Variants in TBCEL observed in about 807,000 individuals in gnomAD.
TBCEL encodes the protein tubulin folding cofactor E like, also known as tubulin-specific chaperone cofactor E-like protein.
TBCEL carries 15 observed loss-of-function variants against 44.2 expected under a neutral mutation model. That is an observed-to-expected ratio of 0.34 (90% CI 0.23 to 0.52). The LOEUF is 0.52. Among genes scored for constraint, TBCEL ranks in the 20% least tolerant of loss-of-function variants. The pLI, the probability that TBCEL is intolerant of heterozygous loss-of-function variation, is 0.95. For missense variants in TBCEL, 319 were observed against 506.3 expected (o/e 0.63, Z 3.55); for synonymous variants, 171 against 185.4 (o/e 0.92, Z 0.63).
chr11:121,085,760 C>G (rs1946205575), intron 8 of TBCEL, among the ~76,000 whole-genome samples: 1 of 152,090 alleles, frequency 6.6e-6, no homozygotes, highest in Non-Finnish European at 1.5e-5. Flanking sequence ...TCCCCTTGGG[C>G]TTCCCAAGGT....
At chr11:121,027,976 G>T (rs903170875) in intron 1 of TBCEL, among the ~76,000 whole-genome samples, 2 of 152,130 alleles carry the variant, frequency 1.3e-5, no homozygotes, top group Admixed American at 1.3e-4. Context: ...GGAGGCCGAG[G>T]TAGGAGGATC....
intron 2 of TBCEL, among the ~76,000 whole-genome samples, chr11:121,042,191 C>T (rs922937031): frequency 2.0e-5 from 3 of 152,086 alleles, no homozygotes; most frequent in Non-Finnish European, 4.4e-5. Flanking sequence ...TGACAGTTCA[C>T]CCTCTCCACA....
At chr11:121,031,643 A>G (rs1045542635) in intron 1 of TBCEL, among the ~76,000 whole-genome samples, 1 of 150,286 alleles carries the variant, frequency 6.7e-6, no homozygotes, top group African/African-American at 2.4e-5. Context: ...TGATGATTGA[A>G]AGTATTTCTT....
At chr11:121,050,237 C>G (rs1409631363) in intron 4 of TBCEL, among the ~76,000 whole-genome samples, 1 of 151,612 alleles carries the variant, frequency 6.6e-6, no homozygotes, top group African/African-American at 2.4e-5. Context: ...CATTTCAACC[C>G]CATTATAACC....
intron 2 of TBCEL, among the ~76,000 whole-genome samples, chr11:121,038,132 G>C (rs1417080235): frequency 6.6e-6 from 1 of 151,872 alleles, no homozygotes; most frequent in Non-Finnish European, 1.5e-5. Context: ...GCTAATTTTT[G>C]TAGTTTTAGT....
Position 121,026,815 on chromosome 11 carries a change from T to C in TBCEL, c.-126+2524T>C, listed in dbSNP as rs576675947. On this transcript the variant is annotated intron_variant, in intron 1 of 8. Coordinates refer to ENST00000683345, the MANE Select transcript of TBCEL (RefSeq NM_001363644.2). The stretch of plus-strand genomic sequence containing the variant: ...TTTGTTTTGTAGGTGCCTGGAACAT[T>C]AAGGAAGATTCTTATTTATTTCATT... 7.2e-5 allele frequency among the ~76,000 whole-genome samples: 11 copies of C among 152,330 alleles called. No homozygotes were observed. In the South Asian group the frequency reaches 2.1e-3, roughly 29 times the overall value.
chr11:121,024,487 C>A (rs1184792329), intron 1 of TBCEL, among the ~76,000 whole-genome samples, 196 bp downstream of exon 1: 4 of 150,608 alleles, frequency 2.7e-5, no homozygotes, highest in Admixed American at 6.6e-5. Context: ...GAGGATGGGG[C>A]CTGCCTGGCC....
intron 1 of TBCEL, chr11:121,036,079 A>G (rs974596373): frequency 6.6e-6 from 1 of 152,224 alleles, no homozygotes; most frequent in African/African-American, 2.4e-5. Context: ...TAAGGCCACA[A>G]AAACCCAAGC....
intron 1 of TBCEL, among the ~76,000 whole-genome samples, chr11:121,024,662 A>T (rs1381943423): frequency 6.6e-6 from 1 of 152,144 alleles, no homozygotes; most frequent in Non-Finnish European, 1.5e-5. Flanking sequence ...GATGCCTCCC[A>T]GCTGTTAGAA....
intron 8 of TBCEL, among the ~76,000 whole-genome samples, chr11:121,082,969 G>C (rs1014489893): frequency 6.6e-6 from 1 of 152,288 alleles, no homozygotes; most frequent in Admixed American, 6.5e-5. Context: ...TAGTCATTTG[G>C]AAGCCTCTAC....
intron 8 of TBCEL, among the ~76,000 whole-genome samples, chr11:121,064,359 G>C (rs1945779510): frequency 6.6e-6 from 1 of 152,174 alleles, no homozygotes. Flanking sequence ...GTTTTTAGTG[G>C]TGGCAATGTC....
At chr11:121,053,898 G>A (rs1328632309) in intron 5 of TBCEL, among the ~76,000 whole-genome samples, 166 bp downstream of exon 5, 2 of 151,762 alleles carry the variant, frequency 1.3e-5, no homozygotes, top group African/African-American at 2.4e-5. Context: ...TAATCTAGTA[G>A]CATTTCCAGT....
chr11:121,078,244 G>T (rs1565506609), intron 8 of TBCEL, among the ~76,000 whole-genome samples: 1 of 151,948 alleles, frequency 6.6e-6, no homozygotes. Flanking sequence ...TTGTGAATTT[G>T]TTTATTTTTA....
At chr11:121,040,664 A>C (rs1274236158) in intron 2 of TBCEL, among the ~76,000 whole-genome samples, 1 of 152,130 alleles carries the variant, frequency 6.6e-6, no homozygotes, top group Non-Finnish European at 1.5e-5. Context: ...TATATTCTGC[A>C]TACACAAATT....
At chr11:121,076,272 G>A (rs1408227960) in intron 8 of TBCEL, among the ~76,000 whole-genome samples, 1 of 151,912 alleles carries the variant, frequency 6.6e-6, no homozygotes, top group Non-Finnish European at 1.5e-5. Context: ...AATTTGTCCA[G>A]AATTTACATC....
At chr11:121,068,784 G>A (rs1945870037) in intron 8 of TBCEL, among the ~76,000 whole-genome samples, 1 of 151,888 alleles carries the variant, frequency 6.6e-6, no homozygotes. Context: ...CTACTCTGGA[G>A]GCTGAGGGAG....
chr11:121,047,903 C>A, intron 4 of TBCEL: 1 of 275,232 alleles, frequency 3.6e-6, no homozygotes, highest in East Asian at 5.9e-5. Context: ...CAAGACCAGT[C>A]TGGGCAACAT....
chr11:121,024,968 G>A (rs184623591), intron 1 of TBCEL, among the ~76,000 whole-genome samples: 16 of 152,328 alleles, frequency 1.1e-4, no homozygotes, highest in Admixed American at 9.1e-4. Context: ...AAGGATCTGT[G>A]TGGAGCTTCT....
At chr11:121,054,107 A>T (rs1412532638) in intron 5 of TBCEL, among the ~76,000 whole-genome samples, 1 of 151,888 alleles carries the variant, frequency 6.6e-6, no homozygotes, top group Non-Finnish European at 1.5e-5. Context: ...TAACATTCAG[A>T]TGATTAAGTG....
Sources: gnomAD v4.1 joint callset for allele counts (sites outside exome capture counted in the v4.1 genomes callset) on GRCh38, gnomAD v4.1.1 for gene constraint, MANE v1.5 for transcripts, NCBI Gene and HGNC (gene_info 2026-07-23, HGNC 2026-07-21) for gene names.